PREX1: variants seen among roughly 807,000 people sequenced by gnomAD.
The protein encoded by PREX1 is phosphatidylinositol 3,4,5-trisphosphate-dependent Rac exchanger 1 protein.
A neutral mutation model predicts 198.3 loss-of-function variants in PREX1; 41 were observed. The observed-to-expected ratio is 0.21, with a 90% CI of 0.16 to 0.27. PREX1 has a LOEUF of 0.27. Ranked by LOEUF, PREX1 falls within the 10% of genes least tolerant of loss-of-function variation. PREX1 has a pLI of 1.00. For synonymous variants in PREX1, 843 were observed against 887.2 expected (o/e 0.95, Z 0.89); for missense variants, 1,620 against 2,200.7 (o/e 0.74, Z 5.28).
At chr20:48,738,970 C>T (rs1249302338) in intron 3 of PREX1, among the ~76,000 whole-genome samples, 1 of 152,194 alleles carries the variant, frequency 6.6e-6, no homozygotes, top group Non-Finnish European at 1.5e-5. Flanking sequence ...CCCATCCATA[C>T]AGCTGTGGGG....
At chr20:48,823,009 A>T (rs1007717477) in intron 1 of PREX1, among the ~76,000 whole-genome samples, 5 of 152,320 alleles carry the variant, frequency 3.3e-5, no homozygotes, top group African/African-American at 1.2e-4. Context: ...AAATAGTGAC[A>T]ACAAAAAACC....
intron 9 of PREX1, 112 bp from the exon 10 acceptor site, chr20:48,688,916 C>T: frequency 7.8e-7 from 1 of 1,279,018 alleles, no homozygotes; most frequent in Non-Finnish European, 1.1e-6. Context: ...CCACCTGCCC[C>T]ACCACCTGCC....
At chr20:48,729,645 A>C (rs1157618786) in intron 4 of PREX1, among the ~76,000 whole-genome samples, 1 of 152,096 alleles carries the variant, frequency 6.6e-6, no homozygotes, top group Admixed American at 6.5e-5. Context: ...TCGTTCATTT[A>C]TATCCAAAGT....
In PREX1 at chr20:48,827,766, G is replaced by A. The variant is rs2090516450; in HGVS notation, c.95C>T (p.Ser32Phe). ...GGCGGCCGCGCACGGGCCGGGGCCG[G>A]AGCTGGGCGCCGCGGCGCCAGGGGC... ...PRAPGAAAPS[S>F]GPGPCAAARE... is the part of the protein sequence containing the mutation. The change falls in exon 1 of 40, where the codon TCC becomes TTC. Residue 32 changes from serine (S) to phenylalanine (F), a missense_variant. This residue lies in a region of PREX1 where 96 missense variants were observed against 98.7 expected (regional missense o/e 0.97). Coordinates refer to ENST00000371941, the MANE Select transcript of PREX1 (RefSeq NM_020820.4). This position sits in a 1 kb window ranked among gnomAD's most constrained non-coding sequence, Gnocchi z 4.1. The A allele has an allele frequency of 8.4e-7, 1 of 1,185,322 alleles. No individual in the cohort carries two copies. Among genetic ancestry groups the A allele is most frequent in the African/African-American group, 1.6e-5 (1 of 61,690 alleles). 73.4% of individuals were successfully genotyped at this position (1,185,322 alleles called of 1,614,324 possible).
At chr20:48,735,654 C>T (rs958291826) in intron 3 of PREX1, among the ~76,000 whole-genome samples, 2 of 151,918 alleles carry the variant, frequency 1.3e-5, no homozygotes, top group African/African-American at 2.4e-5. Context: ...ACAGGCTGCA[C>T]GCTGCTCTCC....
At position 48,739,229 on chromosome 20, in the gene PREX1, C is replaced by T. The variant is rs562833021; in HGVS notation, c.415-4579G>A. ...AGCTCAGGGCTTCTGCCCTTTCTCACCTTGGTCCAGACCACCCTCCCCAAG... is the reference window on the plus strand; with the variant it reads ...AGCTCAGGGCTTCTGCCCTTTCTCATCTTGGTCCAGACCACCCTCCCCAAG... On this transcript the variant is annotated intron_variant, in intron 3 of 39. Coordinates refer to ENST00000371941, the MANE Select transcript of PREX1 (RefSeq NM_020820.4). 4.3e-4 allele frequency among the ~76,000 whole-genome samples: 65 copies of T among 152,312 alleles called. 1 individual carries two copies. The highest frequency in any genetic ancestry group is 1.5e-3 in the African/African-American group (64 of 41,566).
chr20:48,859,179 G>C, the PREX1 span, among the ~76,000 whole-genome samples: 1 of 152,146 alleles, frequency 6.6e-6, no homozygotes, highest in African/African-American at 2.4e-5. Context: ...AGGATTACAG[G>C]TGGGAGCCAC....
At chr20:48,714,019 C>T (rs576351336) in intron 5 of PREX1, among the ~76,000 whole-genome samples, 15 of 152,272 alleles carry the variant, frequency 9.9e-5, no homozygotes, top group Admixed American at 5.9e-4. Context: ...ACAAATGATG[C>T]AACTGAATAT....
At chr20:48,845,702 CAAAAAAAAAA>C in the PREX1 span, among the ~76,000 whole-genome samples, 2 of 103,036 alleles carry the variant, frequency 1.9e-5, no homozygotes, top group Non-Finnish European at 4.0e-5. Context: ...ACCTTGTTTC[CAAAAAAAAAA>C]AAAAAAAAGA....
the PREX1 span, among the ~76,000 whole-genome samples, chr20:48,859,908 C>T: frequency 1.3e-5 from 2 of 152,152 alleles, no homozygotes; most frequent in African/African-American, 4.8e-5. Flanking sequence ...ATCCCAGCTA[C>T]TTAAGAGGCT....
At chr20:48,839,516 T>C in the PREX1 span, among the ~76,000 whole-genome samples, 1 of 152,240 alleles carries the variant, frequency 6.6e-6, no homozygotes, top group Non-Finnish European at 1.5e-5. Flanking sequence ...TTTCATACTA[T>C]GTTACCTTTT....
intron 37 of PREX1, among the ~76,000 whole-genome samples, chr20:48,628,385 T>C (rs774841615): frequency 6.6e-6 from 1 of 152,314 alleles, no homozygotes; most frequent in Non-Finnish European, 1.5e-5. Context: ...GAACGTGGAT[T>C]CTGCAGCAAG....
At chr20:48,876,537 T>C in the PREX1 span, among the ~76,000 whole-genome samples, 1 of 152,160 alleles carries the variant, frequency 6.6e-6, no homozygotes, top group Non-Finnish European at 1.5e-5. Flanking sequence ...AGGGCGACTC[T>C]TGGATGTGTG....
chr20:48,799,145 G>C (rs2090375178), intron 1 of PREX1, among the ~76,000 whole-genome samples: 1 of 152,174 alleles, frequency 6.6e-6, no homozygotes. Context: ...GCCTCCCAGA[G>C]TGCTGAAATT....
Position 48,734,579 on chromosome 20 carries a change from C to G in PREX1, c.486G>C (p.Leu162=). ...AGGCGCGCACGGTAGGGATCTTGTT[C>G]AGCTCCACCAGCAGCCTCAGGGCTT... is the stretch of plus-strand genomic sequence containing the variant. ...HEKALRLLVE[L]NKIPTVRAFL... The change falls in exon 4 of 40, where the codon CTG becomes CTC. Residue 162 remains leucine (L), a synonymous_variant. Coordinates refer to ENST00000371941, the MANE Select transcript of PREX1 (RefSeq NM_020820.4). 1 of 1,614,134 alleles carries G rather than the reference C, an allele frequency of 6.2e-7. No individual in the cohort carries two copies. The highest frequency in any genetic ancestry group is 8.5e-7 in the Non-Finnish European group (1 of 1,179,986).
At chr20:48,784,476 C>T (rs1410047640) in intron 1 of PREX1, among the ~76,000 whole-genome samples, 2 of 152,156 alleles carry the variant, frequency 1.3e-5, no homozygotes, top group East Asian at 1.9e-4. Context: ...CTAGACTCTA[C>T]CCCCGCCACC....
chr20:48,733,775 G>A lies in PREX1; in HGVS notation c.519+771C>T, dbSNP rs1228708112. 3.3e-5 allele frequency among the ~76,000 whole-genome samples: 5 copies of A among 151,328 alleles called. No individual in the cohort carries two copies. In the East Asian group the frequency reaches 7.7e-4, roughly 23 times the overall value. On this transcript the variant is annotated intron_variant, in intron 4 of 39. Transcript: ENST00000371941. ...TTTGTTTTTTGTTTTTTTTGAGGCCGAGTCTCATTCTGTCTCCCAGGTTGG... is the reference window on the plus strand; with the variant it reads ...TTTGTTTTTTGTTTTTTTTGAGGCCAAGTCTCATTCTGTCTCCCAGGTTGG...
At chr20:48,747,331 C>G (rs1286265491) in intron 2 of PREX1, among the ~76,000 whole-genome samples, 1 of 152,226 alleles carries the variant, frequency 6.6e-6, no homozygotes, top group African/African-American at 2.4e-5. Context: ...ATCTCCTCCT[C>G]AAACTCCCCA....
chr20:48,865,516 A>G, the PREX1 span, among the ~76,000 whole-genome samples: 2 of 152,198 alleles, frequency 1.3e-5, no homozygotes, highest in Non-Finnish European at 2.9e-5. Context: ...TCAGAACATT[A>G]TATGCTATCC....
Sources: allele counts gnomAD v4.1 joint callset (sites outside exome capture counted in the v4.1 genomes callset), GRCh38; gene constraint gnomAD v4.1.1; regional missense constraint gnomAD v4.1.1; non-coding constraint Gnocchi (gnomAD v3.1); transcripts MANE v1.5; gene names NCBI Gene and HGNC (gene_info 2026-07-23, HGNC 2026-07-21).